CABYR: variants seen among roughly 807,000 people sequenced by gnomAD.
CABYR encodes the protein calcium binding tyrosine phosphorylation regulated.
A neutral mutation model predicts 36.1 loss-of-function variants in CABYR; 31 were observed. That is an observed-to-expected ratio of 0.86 (90% CI 0.64 to 1.16). The LOEUF (loss-of-function observed/expected upper bound fraction) is 1.16, where lower values mean the gene tolerates loss of function less well. Ranked by LOEUF, CABYR falls within the 50% of genes most tolerant of loss-of-function variation. The probability of loss-of-function intolerance (pLI) is 0.00; values close to 1 mark genes in which losing one functional copy is unlikely to be tolerated. For missense variants in CABYR, 429 were observed against 455.8 expected, an observed-to-expected ratio of 0.94 and a Z score of 0.53; for synonymous variants, 146 against 160.7, an observed-to-expected ratio of 0.91 and a Z score of 0.69.
intron 4 of CABYR, chr18:24,157,046 T>C (rs930095147): frequency 6.9e-7 from 1 of 1,442,242 alleles, no homozygotes; most frequent in Admixed American, 1.9e-5. Context: ...TCAGGTGACA[T>C]CTGTATTTCA....
At chr18:24,161,437 T>C (rs147811938) in intron 5 of CABYR, 79 bp from the exon 6 acceptor site, 2 of 764,860 alleles carry the variant, frequency 2.6e-6, no homozygotes, top group African/African-American at 3.4e-5. Context: ...GACCTTGCAT[T>C]TCTAATCTTC....
At chr18:24,145,866 A>T (rs927824243) in intron 3 of CABYR, among the ~76,000 whole-genome samples, 1 of 152,232 alleles carries the variant, frequency 6.6e-6, no homozygotes, top group African/African-American at 2.4e-5. Flanking sequence ...AAGAAAGGTC[A>T]TACACTCTGA....
chr18:24,143,406 G>A lies in CABYR; in HGVS notation c.192G>A (p.Gln64=). ...DIKDLVKQFH[Q]IKVEKWSEGT... ...AAGATCTGGTTAAACAATTTCATCA[G>A]ATTAAAGGTAAGTACCACAAGTAGT... Residue 64 remains glutamine (Q), a synonymous_variant, in exon 3 of 6, where the codon CAG becomes CAA. Transcript: ENST00000399496. 6.5e-7 allele frequency: 1 copy of A among 1,545,708 alleles called. No homozygotes were observed. Among genetic ancestry groups the A allele is most frequent in the Non-Finnish European group, 8.9e-7 (1 of 1,127,992 alleles).
intron 2 of CABYR, 26 bp downstream of exon 2, chr18:24,143,285 T>C: frequency 1.2e-6 from 2 of 1,600,958 alleles, no homozygotes; most frequent in Non-Finnish European, 1.7e-6. Context: ...ATATATTTGC[T>C]GCTTTGAAAA....
intron 5 of CABYR, chr18:24,160,685 T>C (rs947584164): frequency 6.5e-6 from 1 of 152,756 alleles, no homozygotes; most frequent in Non-Finnish European, 1.5e-5. Context: ...AGCAAAAACA[T>C]GGGACCTACA....
chr18:24,144,248 G>C (rs2145855367), intron 3 of CABYR, among the ~76,000 whole-genome samples: 1 of 152,232 alleles, frequency 6.6e-6, no homozygotes, highest in Non-Finnish European at 1.5e-5. Context: ...ATCCCAGTGA[G>C]AGTGATGATG....
chr18:24,161,030 T>TGAC (rs2085961382), intron 5 of CABYR, among the ~76,000 whole-genome samples: 1 of 152,190 alleles, frequency 6.6e-6, no homozygotes, highest in Admixed American at 6.5e-5. Flanking sequence ...AGCAGAAGAA[T>TGAC]GACTGATTGC....
chr18:24,156,908 T>G (rs200823555), intron 4 of CABYR: 8 of 1,614,094 alleles, frequency 5.0e-6, no homozygotes, highest in Admixed American at 1.7e-5. Flanking sequence ...AGTCATCTAG[T>G]GGCCCCTTCC....
chr18:24,157,906 T>C (rs1361330688), intron 4 of CABYR, among the ~76,000 whole-genome samples: 1 of 152,180 alleles, frequency 6.6e-6, no homozygotes, highest in Non-Finnish European at 1.5e-5. Flanking sequence ...AAAAACTCTT[T>C]CAATCCTGAC....
chr18:24,143,157 A>C lies in CABYR; in HGVS notation c.43A>C (p.Lys15Gln). ...KPRLVVPYGL[K>Q]TLLEGISRAV... ...CAGACTTGTCGTACCCTATGGCCTC[A>C]AGACTCTGCTCGAGGGAATTAGCAG... Residue 15 changes from lysine (K) to glutamine (Q), a missense_variant, in exon 2 of 6, where the codon AAG becomes CAG. Coordinates refer to ENST00000399496, the MANE Select transcript of CABYR (RefSeq NM_153769.3). 1.2e-6 allele frequency: 2 copies of C among 1,613,892 alleles called. No homozygotes were observed. The highest frequency in any genetic ancestry group is 8.5e-7 in the Non-Finnish European group (1 of 1,179,894).
chr18:24,147,943 A>G (rs1406231059), intron 3 of CABYR, among the ~76,000 whole-genome samples: 1 of 152,216 alleles, frequency 6.6e-6, no homozygotes, highest in Non-Finnish European at 1.5e-5. Context: ...ATAATTTAAT[A>G]ATAAGTATCA....
intron 3 of CABYR, among the ~76,000 whole-genome samples, chr18:24,144,664 T>C (rs377436342): frequency 2.0e-5 from 3 of 152,212 alleles, no homozygotes; most frequent in African/African-American, 7.2e-5. Context: ...CCAGAGGTAA[T>C]GGAGAGCAGC....
chr18:24,144,098 G>A (rs141806062), intron 3 of CABYR, among the ~76,000 whole-genome samples: 15,222 of 152,018 alleles, frequency 0.1, 1,029 homozygotes, highest in Middle Eastern at 0.27. Context: ...GGGTTTTGCC[G>A]TCTTGGCTAG....
At chr18:24,144,531 G>A (rs1285310761) in intron 3 of CABYR, among the ~76,000 whole-genome samples, 2 of 152,218 alleles carry the variant, frequency 1.3e-5, no homozygotes, top group African/African-American at 4.8e-5. Flanking sequence ...TGGAGGCTGA[G>A]GCGGGAGGAG....
chr18:24,160,055 A>T lies in CABYR; in HGVS notation c.1125A>T (p.Ala375=). The T allele has an allele frequency of 6.2e-7, 1 of 1,611,396 alleles. No homozygotes were observed. Among genetic ancestry groups the T allele is most frequent in the African/African-American group, 1.3e-5 (1 of 74,510 alleles). Residue 375 remains alanine, a synonymous_variant, in exon 5 of 6, where the codon GCA becomes GCT. Transcript: ENST00000399496. ...CTACTGCTCACAAACGTCGCAAAGCAGAAACTGAAAACTGGTAGGTACACT... is the reference window on the plus strand; with the variant it reads ...CTACTGCTCACAAACGTCGCAAAGCTGAAACTGAAAACTGGTAGGTACACT... ...TVTTAHKRRK[A]ETEN is the part of the protein sequence containing the mutation.
chr18:24,140,478 GT>G (rs1293448335), intron 1 of CABYR, among the ~76,000 whole-genome samples: 5 of 138,188 alleles, frequency 3.6e-5, no homozygotes, highest in African/African-American at 1.1e-4. Flanking sequence ...CACATGAGAT[GT>G]TTTGATTCAG....
chr18:24,145,694 G>A (rs1389839549), intron 3 of CABYR, among the ~76,000 whole-genome samples: 1 of 152,204 alleles, frequency 6.6e-6, no homozygotes, highest in African/African-American at 2.4e-5. Context: ...TAAGTCGAGA[G>A]ATCAGAACCG....
chr18:24,157,053 T>C (rs1478387011), intron 4 of CABYR: 3 of 1,376,186 alleles, frequency 2.2e-6, no homozygotes, highest in Admixed American at 2.0e-5. Context: ...ACATCTGTAT[T>C]TCAGGTAGCC....
chr18:24,143,241 G>T lies in CABYR; in HGVS notation c.127G>T (p.Glu43Ter), dbSNP rs1442573976. 1 of 1,613,558 alleles carries T rather than the reference G, an allele frequency of 6.2e-7. No individual in the cohort carries two copies. The highest frequency in any genetic ancestry group is 1.7e-5 in the Admixed American group (1 of 59,884). ...INQFAAAYFQELTMYRGNTTM... is the reference protein window; with the variant it reads ...INQFAAAYFQ Reference sequence around the variant, plus strand: ...CCAGTTTGCAGCAGCTTATTTTCAAGAACTTACTATGTATAGAGGTTTGTT... The same window carrying T: ...CCAGTTTGCAGCAGCTTATTTTCAATAACTTACTATGTATAGAGGTTTGTT... Residue 43 changes from glutamate to a stop codon, truncating the protein, a stop_gained, in exon 2 of 6, where the codon GAA (glutamate) becomes TAA (stop). Transcript: ENST00000399496. LOFTEE classifies it high-confidence loss of function.
Sources: allele counts gnomAD v4.1 joint callset (sites outside exome capture counted in the v4.1 genomes callset), GRCh38; gene constraint gnomAD v4.1.1; transcripts MANE v1.5; gene names NCBI Gene and HGNC (gene_info 2026-07-23, HGNC 2026-07-21).